Variants in TNR observed in about 807,000 individuals in gnomAD.
TNR encodes tenascin R.
Under a neutral mutation model 150.4 loss-of-function variants are expected in TNR, and 45 were observed. That is an observed-to-expected ratio of 0.30 (90% CI 0.24 to 0.38). The LOEUF (loss-of-function observed/expected upper bound fraction) is 0.38. Among genes scored for constraint, TNR ranks in the 10% least tolerant of loss-of-function variants. The pLI, the probability that TNR is intolerant of heterozygous loss-of-function variation, is 1.00. For missense variants in TNR, 1,544 were observed against 1,759.1 expected (o/e 0.88, Z 2.19); for synonymous variants, 687 against 678.4 (o/e 1.01, Z -0.20).
intron 1 of TNR, among the ~76,000 whole-genome samples, chr1:175,731,877 C>A (rs1667649831): frequency 6.6e-6 from 1 of 152,206 alleles, no homozygotes. Flanking sequence ...CCTGCCCAGA[C>A]CCCAGTGCAT....
chr1:175,626,419 G>T (rs1664159853), intron 1 of TNR, among the ~76,000 whole-genome samples: 1 of 152,060 alleles, frequency 6.6e-6, no homozygotes, highest in South Asian at 2.1e-4. Context: ...TGCTCCCTCA[G>T]TGCTGAGCTG....
chr1:175,671,452 C>A (rs982785726), intron 1 of TNR, among the ~76,000 whole-genome samples: 1 of 152,204 alleles, frequency 6.6e-6, no homozygotes, highest in African/African-American at 2.4e-5. Flanking sequence ...TTGGCAGAAG[C>A]CATTTAGTAC....
At chr1:175,646,562 T>C (rs1384618917) in intron 1 of TNR, among the ~76,000 whole-genome samples, 1 of 152,196 alleles carries the variant, frequency 6.6e-6, no homozygotes, top group Non-Finnish European at 1.5e-5. Context: ...CTCTACTGAT[T>C]AACTTGCAGA....
intron 21 of TNR, among the ~76,000 whole-genome samples, chr1:175,328,198 A>T (rs1894597): frequency 0.69 from 104,598 of 152,172 alleles, 36,360 homozygotes; most frequent in East Asian, 0.8. Context: ...AAACTAGACG[A>T]TTAGTTTTTG....
intron 18 of TNR, among the ~76,000 whole-genome samples, chr1:175,337,889 C>A (rs907323047): frequency 3.3e-5 from 5 of 152,172 alleles, no homozygotes; most frequent in African/African-American, 7.2e-5. Flanking sequence ...AGACAACATA[C>A]AATTTCATGG....
At chr1:175,738,757 C>T (rs1004797022) in intron 1 of TNR, among the ~76,000 whole-genome samples, 4 of 152,192 alleles carry the variant, frequency 2.6e-5, no homozygotes, top group Non-Finnish European at 5.9e-5. Flanking sequence ...TTCAAAGTCA[C>T]GTTTCCAAGG....
intron 1 of TNR, among the ~76,000 whole-genome samples, chr1:175,734,982 C>G (rs1318809371): frequency 6.6e-6 from 1 of 152,216 alleles, no homozygotes; most frequent in Non-Finnish European, 1.5e-5. Context: ...GTTTCACCAG[C>G]ATTAAACTTC....
chr1:175,413,626 T>C (rs1317365304), intron 2 of TNR, among the ~76,000 whole-genome samples: 1 of 152,106 alleles, frequency 6.6e-6, no homozygotes, highest in Non-Finnish European at 1.5e-5. Context: ...GAGACTAGAA[T>C]GAGTAAGAGT....
At chr1:175,363,349 C>A (rs555056548) in intron 13 of TNR, among the ~76,000 whole-genome samples, 139 of 152,336 alleles carry the variant, frequency 9.1e-4, no homozygotes, top group Admixed American at 2.3e-3. Context: ...GGGTCTTTAG[C>A]CATCCCTCTG....
chr1:175,338,902 C>G (rs777922988), intron 18 of TNR, among the ~76,000 whole-genome samples: 1 of 152,168 alleles, frequency 6.6e-6, no homozygotes, highest in Non-Finnish European at 1.5e-5. Context: ...TAACTGCCCC[C>G]GCACCAGGAC....
chr1:175,412,888 T>C (rs533857450), intron 2 of TNR, among the ~76,000 whole-genome samples: 1 of 152,360 alleles, frequency 6.6e-6, no homozygotes, highest in African/African-American at 2.4e-5. Context: ...GCTAAGCTCA[T>C]GTCACTTAAT....
intron 20 of TNR, among the ~76,000 whole-genome samples, chr1:175,331,024 TC>T (rs1649743251): frequency 3.0e-5 from 2 of 66,236 alleles, no homozygotes; most frequent in Non-Finnish European, 6.4e-5. Context: ...TTTCTTTCTT[TC>T]TTTCTTTCTT....
chr1:175,674,895 C>T (rs924925751), intron 1 of TNR, among the ~76,000 whole-genome samples: 13 of 152,030 alleles, frequency 8.6e-5, no homozygotes, highest in African/African-American at 3.1e-4. Context: ...CATTTAATAC[C>T]TAATAGAGCT....
chr1:175,500,472 T>C (rs902377214), intron 2 of TNR, among the ~76,000 whole-genome samples: 3 of 152,144 alleles, frequency 2.0e-5, no homozygotes, highest in Non-Finnish European at 2.9e-5. Flanking sequence ...ATAGAAGCTG[T>C]GTGTTGACAA....
At chr1:175,537,598 A>G (rs1057363939) in intron 1 of TNR, among the ~76,000 whole-genome samples, 1 of 152,308 alleles carries the variant, frequency 6.6e-6, no homozygotes, top group East Asian at 1.9e-4. Flanking sequence ...GCTTGATATC[A>G]TCATCTCCCC....
chr1:175,547,353 C>T (rs1052796576), intron 1 of TNR, among the ~76,000 whole-genome samples: 3 of 145,418 alleles, frequency 2.1e-5, no homozygotes, highest in Non-Finnish European at 4.6e-5. Context: ...AACTTCAACC[C>T]CTTCCCCACA....
chr1:175,550,679 A>G (rs1660904290), intron 1 of TNR, among the ~76,000 whole-genome samples: 2 of 152,172 alleles, frequency 1.3e-5, no homozygotes, highest in African/African-American at 4.8e-5. Flanking sequence ...TATACTTAAG[A>G]CATGACTAGA....
intron 2 of TNR, among the ~76,000 whole-genome samples, chr1:175,476,490 C>T (rs867655075): frequency 4.6e-5 from 7 of 152,282 alleles, no homozygotes; most frequent in Middle Eastern, 3.4e-3. Context: ...AGCACCTGAT[C>T]CACAGTCTTC....
At chr1:175,639,011 C>T (rs754750611) in intron 1 of TNR, among the ~76,000 whole-genome samples, 13 of 152,182 alleles carry the variant, frequency 8.5e-5, no homozygotes, top group Non-Finnish European at 1.6e-4. Flanking sequence ...GCAAAGTCTA[C>T]CAACTTCATC....
Sources: allele counts gnomAD v4.1 joint callset (sites outside exome capture counted in the v4.1 genomes callset), GRCh38; gene constraint gnomAD v4.1.1; transcripts MANE v1.5; gene names NCBI Gene and HGNC (gene_info 2026-07-23, HGNC 2026-07-21).